The following PCDHA7 variants were observed in gnomAD, a reference collection of about 807,000 sequenced individuals.
The protein encoded by PCDHA7 is protocadherin alpha 7.
Under a neutral mutation model 57.2 loss-of-function variants are expected in PCDHA7, and 37 were observed. The observed-to-expected ratio is 0.65, with a 90% CI of 0.50 to 0.85. The LOEUF (loss-of-function observed/expected upper bound fraction) is 0.85. PCDHA7 is among the 40% of genes least tolerant of loss of function. PCDHA7 has a pLI of 0.00. For missense variants in PCDHA7, 1,188 were observed against 1,241.8 expected (o/e 0.96, Z 0.65); for synonymous variants, 553 against 558.8 (o/e 0.99, Z 0.15).
At chr5:140,941,334 T>C (rs1398027134) in intron 1 of PCDHA7, among the ~76,000 whole-genome samples, 2 of 133,354 alleles carry the variant, frequency 1.5e-5, no homozygotes, top group African/African-American at 5.5e-5. Flanking sequence ...TTTTTTTTTT[T>C]CAGATGGAGT....
At chr5:140,990,395 G>A (rs916362624) in intron 3 of PCDHA7, among the ~76,000 whole-genome samples, 1 of 152,116 alleles carries the variant, frequency 6.6e-6, no homozygotes, top group Non-Finnish European at 1.5e-5. Flanking sequence ...GTTCCAAGAA[G>A]GTTCACCAGC....
intron 1 of PCDHA7, chr5:140,877,241 T>G (rs1554169505): frequency 1.2e-6 from 2 of 1,613,670 alleles, no homozygotes; most frequent in Non-Finnish European, 1.7e-6. Flanking sequence ...GCGGGCCACG[T>G]GGTGGCGAAA....
intron 1 of PCDHA7, chr5:140,863,165 C>G (rs1367294208): frequency 1.5e-6 from 1 of 666,560 alleles, no homozygotes; most frequent in Non-Finnish European, 2.7e-6. Context: ...TGCGAGCTGG[C>G]GCTGACTGCC....
intron 3 of PCDHA7, among the ~76,000 whole-genome samples, chr5:140,989,765 C>T (rs2097359812): frequency 6.6e-6 from 1 of 152,166 alleles, no homozygotes; most frequent in South Asian, 2.1e-4. Context: ...ATATTCAGTT[C>T]AAGCACTGGC....
At chr5:141,009,463 A>C in intron 3 of PCDHA7, 164 bp from the exon 4 acceptor site, 1 of 954,884 alleles carries the variant, frequency 1.0e-6, no homozygotes, top group Non-Finnish European at 1.2e-6. Context: ...AAACAAATAA[A>C]TAAATAAGTA....
chr5:140,928,623 A>G (rs1554206072), intron 1 of PCDHA7: 1 of 1,614,210 alleles, frequency 6.2e-7, no homozygotes, highest in African/African-American at 1.3e-5. Flanking sequence ...CCAGGACTGG[A>G]CACTTGGTCA....
chr5:140,882,149 G>A (rs2058970957), intron 1 of PCDHA7: 2 of 1,501,900 alleles, frequency 1.3e-6, no homozygotes, highest in Middle Eastern at 4.3e-4. Flanking sequence ...ATAGCAGAAA[G>A]CGGAATACCT....
intron 1 of PCDHA7, chr5:140,869,509 A>C (rs199564677): frequency 6.2e-7 from 1 of 1,614,206 alleles, no homozygotes; most frequent in Non-Finnish European, 8.5e-7. Flanking sequence ...GTTCTCGCTC[A>C]GAGAACAAAA....
rs1417352469 is a variant in PCDHA7 at position 140,875,131 on chromosome 5, G to A, written c.2355+38393G>A. ...AATATCATGTATATTAACTAAACCC[G>A]CATTTATAAATGATCCGTGAAAAAT... On this transcript the variant is annotated intron_variant, in intron 1 of 3. Coordinates refer to ENST00000525929, the MANE Select transcript of PCDHA7 (RefSeq NM_018910.3). Among the ~76,000 whole-genome samples, 5 of 152,228 alleles carry A rather than the reference G, an allele frequency of 3.3e-5. No individual in the cohort carries two copies. The East Asian group carries it at 9.6e-4, about 29-fold the overall frequency.
chr5:140,947,277 T>C (rs1272482991), intron 1 of PCDHA7, among the ~76,000 whole-genome samples: 3 of 151,662 alleles, frequency 2.0e-5, no homozygotes, highest in African/African-American at 7.2e-5. Context: ...AAATACTTTT[T>C]CTTTTTATTG....
Position 140,987,904 on chromosome 5 carries a change from G to T in PCDHA7, c.2503+5341G>T, listed in dbSNP as rs115515462. 1.9e-3 allele frequency among the ~76,000 whole-genome samples: 290 copies of T among 151,852 alleles called. 1 individual carries two copies. The highest frequency in any genetic ancestry group is 7.0e-3 in the African/African-American group (288 of 41,412). On this transcript the variant is annotated intron_variant, in intron 3 of 3. Transcript: ENST00000525929. ...GTTTATGTGCCCTAGTTTTATATGG[G>T]GATTTATATTCTTAATTGTCTCAAG...
At chr5:140,906,041 A>T (rs1257569280) in intron 1 of PCDHA7, among the ~76,000 whole-genome samples, 1 of 152,128 alleles carries the variant, frequency 6.6e-6, no homozygotes, top group Non-Finnish European at 1.5e-5. Context: ...GTCTGCTTTT[A>T]TTCTGGCTGC....
intron 1 of PCDHA7, among the ~76,000 whole-genome samples, chr5:140,894,449 A>G (rs1227566097): frequency 6.6e-6 from 1 of 151,950 alleles, no homozygotes; most frequent in Non-Finnish European, 1.5e-5. Flanking sequence ...TCTTTTTTAA[A>G]AAATATTTTA....
intron 3 of PCDHA7, among the ~76,000 whole-genome samples, chr5:140,992,987 C>G (rs1259400627): frequency 6.6e-6 from 1 of 152,158 alleles, no homozygotes; most frequent in East Asian, 1.9e-4. Context: ...GGCCATGGGA[C>G]CCATGAAAGA....
chr5:140,843,845 C>A (rs1191998999), intron 1 of PCDHA7: 1 of 1,001,508 alleles, frequency 1.0e-6, no homozygotes, highest in Non-Finnish European at 1.5e-6. Context: ...TTTTTAGAAA[C>A]CTTTTATAAT....
intron 1 of PCDHA7, among the ~76,000 whole-genome samples, chr5:140,934,109 A>G (rs2089636629): frequency 6.6e-6 from 1 of 151,948 alleles, no homozygotes; most frequent in Non-Finnish European, 1.5e-5. Flanking sequence ...CTATTTTATT[A>G]ATTTTCATAC....
intron 1 of PCDHA7, chr5:140,884,288 C>T: frequency 6.2e-7 from 1 of 1,613,630 alleles, no homozygotes; most frequent in Non-Finnish European, 8.5e-7. Flanking sequence ...GGAGAGCGGC[C>T]AAGCGCCACA....
chr5:140,967,451 G>A, intron 1 of PCDHA7: 2 of 1,613,628 alleles, frequency 1.2e-6, no homozygotes, highest in South Asian at 2.2e-5. Flanking sequence ...GGTTCTCACA[G>A]CCGTGGATGG....
At chr5:140,971,728 C>A (rs1221096186) in intron 1 of PCDHA7, among the ~76,000 whole-genome samples, 2 of 151,550 alleles carry the variant, frequency 1.3e-5, no homozygotes, top group African/African-American at 2.4e-5. Flanking sequence ...GTATATCATA[C>A]ATATACACAT....
Sources: gnomAD v4.1 joint callset for allele counts (sites outside exome capture counted in the v4.1 genomes callset) on GRCh38, gnomAD v4.1.1 for gene constraint, MANE v1.5 for transcripts, NCBI Gene and HGNC (gene_info 2026-07-23, HGNC 2026-07-21) for gene names.